The following MBNL2 variants were observed in gnomAD, a reference collection of about 807,000 sequenced individuals.
The protein encoded by MBNL2 is muscleblind like splicing regulator 2, also known as muscleblind-like protein 2.
A neutral mutation model predicts 41.9 loss-of-function variants in MBNL2; 17 were observed. The ratio of observed to expected loss-of-function variants is 0.41; its 90% CI spans 0.28 to 0.61. The LOEUF (loss-of-function observed/expected upper bound fraction) is 0.61, where lower values mean the gene tolerates loss of function less well. Ranked by LOEUF, MBNL2 falls within the 20% of genes least tolerant of loss-of-function variation. MBNL2 has a pLI of 0.35. For missense variants in MBNL2, 336 were observed against 505.6 expected (o/e 0.66, Z 3.22); for synonymous variants, 195 against 182.9 (o/e 1.07, Z -0.53).
chr13:97,292,881 T>TATC (rs763331844), intron 2 of MBNL2, among the ~76,000 whole-genome samples: 14 of 152,144 alleles, frequency 9.2e-5, no homozygotes, highest in Non-Finnish European at 1.6e-4. Flanking sequence ...TATTTTACTC[T>TATC]ATCAGTCTTC....
chr13:97,371,143 T>TA (rs2064335143), intron 8 of MBNL2, among the ~76,000 whole-genome samples: 2 of 152,214 alleles, frequency 1.3e-5, no homozygotes, highest in Non-Finnish European at 2.9e-5. Flanking sequence ...AGTTGTAATT[T>TA]GTTTAGTATT....
chr13:97,333,968 A>AGGG (rs1566423417), intron 2 of MBNL2, among the ~76,000 whole-genome samples: 54 of 124,502 alleles, frequency 4.3e-4, no homozygotes, highest in African/African-American at 1.2e-3. Flanking sequence ...GGAAGGAAGG[A>AGGG]AGGGAGGGAG....
intron 1 of MBNL2, among the ~76,000 whole-genome samples, chr13:97,261,675 C>T (rs889377582): frequency 2.6e-5 from 4 of 152,176 alleles, no homozygotes; most frequent in Non-Finnish European, 5.9e-5. Context: ...AAAGATTTCC[C>T]ACACTTCAGG....
rs2061842353 is a variant in MBNL2, at chr13:97,346,252, GAT to G, written c.541-551_541-550del. ...TAGATTAACAGATAATAGATGGATG[GAT>G]GGATGGATGGATGGATGGATAGATG... On this transcript the variant is annotated intron_variant, in intron 4 of 8. Transcript: ENST00000679496. The surrounding 1 kb of genome is among the most constrained non-coding windows in gnomAD (Gnocchi z 4.2). 7.5e-6 allele frequency among the ~76,000 whole-genome samples: 1 copy of G among 133,880 alleles called. No individual in the cohort carries two copies. Among genetic ancestry groups the G allele is most frequent in the African/African-American group, 3.9e-5 (1 of 25,368 alleles). The allele number at this position is 133,880 out of a possible 152,430, so 87.8% of individuals were successfully genotyped here.
chr13:97,338,522 G>A (rs2061086616), intron 3 of MBNL2, among the ~76,000 whole-genome samples: 1 of 152,120 alleles, frequency 6.6e-6, no homozygotes, highest in South Asian at 2.1e-4. Context: ...TCTCTCCCCT[G>A]ACAACCCTTC....
chr13:97,247,260 A>G (rs902988207), intron 1 of MBNL2, among the ~76,000 whole-genome samples: 2 of 152,168 alleles, frequency 1.3e-5, no homozygotes, highest in Non-Finnish European at 1.5e-5. Context: ...AATATGTTTT[A>G]TTTGTTTCCT....
At chr13:97,352,361 C>A (rs796292485) in intron 5 of MBNL2, among the ~76,000 whole-genome samples, 7 of 152,282 alleles carry the variant, frequency 4.6e-5, no homozygotes, top group African/African-American at 1.7e-4. Context: ...GTGACTCTTT[C>A]TTTCACTTGA....
chr13:97,160,516 G>T, the MBNL2 span, among the ~76,000 whole-genome samples: 3 of 152,026 alleles, frequency 2.0e-5, no homozygotes, highest in African/African-American at 7.2e-5. Flanking sequence ...AGAAAATGAG[G>T]TGACACTAAA....
the MBNL2 span, among the ~76,000 whole-genome samples, chr13:97,195,658 AATT>A: frequency 2.0e-5 from 3 of 152,174 alleles, no homozygotes; most frequent in Non-Finnish European, 2.9e-5. Context: ...ATGGTACTAA[AATT>A]ATACATAATA....
At chr13:97,242,271 C>T (rs1370010693) in intron 1 of MBNL2, among the ~76,000 whole-genome samples, 4 of 152,126 alleles carry the variant, frequency 2.6e-5, no homozygotes, top group East Asian at 3.9e-4. Context: ...GGAGCGGGCA[C>T]GTGGCTCAAA....
chr13:97,350,777 C>T lies in MBNL2; in HGVS notation c.804+3710C>T, dbSNP rs73559920. 2.5e-3 allele frequency among the ~76,000 whole-genome samples: 383 copies of T among 152,322 alleles called. 2 individuals are homozygous for T. The highest frequency in any genetic ancestry group is 9.0e-3 in the African/African-American group (373 of 41,568). On this transcript the variant is annotated intron_variant, in intron 5 of 8. Transcript: ENST00000679496. ...AAGAATTCTAGTTCTCTTGCTATTTCCATTACATCTGGAGTTACTTACTTT... is the reference window on the plus strand; with the variant it reads ...AAGAATTCTAGTTCTCTTGCTATTTTCATTACATCTGGAGTTACTTACTTT...
At chr13:97,168,957 AC>A in the MBNL2 span, among the ~76,000 whole-genome samples, 2 of 152,192 alleles carry the variant, frequency 1.3e-5, no homozygotes, top group Non-Finnish European at 2.9e-5. Flanking sequence ...TAGACAGGTT[AC>A]AGAAGGTGTC....
At chr13:97,173,262 T>A in the MBNL2 span, among the ~76,000 whole-genome samples, 4 of 152,262 alleles carry the variant, frequency 2.6e-5, no homozygotes, top group Admixed American at 2.6e-4. Context: ...GAATTGGAAG[T>A]TACTTAGAAA....
Position 97,346,844 on chromosome 13 carries a change from A to G in MBNL2, c.581A>G (p.Glu194Gly). ...CAGCGAGGAAACTGTGCCCGGGGAG[A>G]GACCGACTGCCGCTTTGCACACCCC... ...EFQRGNCARGETDCRFAHPAD... is the reference protein window; with the variant it reads ...EFQRGNCARGGTDCRFAHPAD... Residue 194 changes from glutamate (E) to glycine (G), a missense_variant, in exon 5 of 9, where the codon GAG (glutamate) becomes GGG (glycine). By Grantham distance (98) the Glu-to-Gly change is moderately conservative. Coordinates refer to ENST00000679496, the MANE Select transcript of MBNL2 (RefSeq NM_001382683.1). This position sits in a 1 kb window ranked among gnomAD's most constrained non-coding sequence, Gnocchi z 4.2. The G allele has an allele frequency of 3.7e-6, 6 of 1,614,050 alleles. No homozygotes were observed. Among genetic ancestry groups the G allele is most frequent in the Non-Finnish European group, 5.1e-6 (6 of 1,179,944 alleles).
intron 5 of MBNL2, among the ~76,000 whole-genome samples, chr13:97,352,025 AAAATAAAAATAT>A (rs1353096288): frequency 8.6e-6 from 1 of 116,172 alleles, no homozygotes; most frequent in Non-Finnish European, 1.7e-5. Context: ...CTGTCTCAGA[AAAATAAAAATAT>A]AAATAAATAA....
chr13:97,312,976 T>G (rs2058736439), intron 2 of MBNL2, among the ~76,000 whole-genome samples: 1 of 152,266 alleles, frequency 6.6e-6, no homozygotes, highest in Non-Finnish European at 1.5e-5. Flanking sequence ...TATTTGGTGC[T>G]ACATGCAACC....
chr13:97,346,799 C>T lies in MBNL2; in HGVS notation c.541-5C>T. On this transcript the variant is annotated splice_polypyrimidine_tract_variant and splice_region_variant and intron_variant, in intron 4 of 8. Coordinates refer to ENST00000679496, the MANE Select transcript of MBNL2 (RefSeq NM_001382683.1). The surrounding 1 kb of genome is among the most constrained non-coding windows in gnomAD (Gnocchi z 4.2). ...CTGCAGCGCGGCTCTTCTTCCCTGTCTTAGGTATGCAGGGAGTTCCAGCGA... is the reference window on the plus strand; with the variant it reads ...CTGCAGCGCGGCTCTTCTTCCCTGTTTTAGGTATGCAGGGAGTTCCAGCGA... 4 of 1,613,304 alleles carry T rather than the reference C, an allele frequency of 2.5e-6. No individual in the cohort carries two copies. The highest frequency in any genetic ancestry group is 2.5e-6 in the Non-Finnish European group (3 of 1,179,416).
At chr13:97,207,831 T>A in the MBNL2 span, among the ~76,000 whole-genome samples, 2 of 152,144 alleles carry the variant, frequency 1.3e-5, no homozygotes, top group East Asian at 3.9e-4. Context: ...GCCTGTAAAA[T>A]CAAAAGCAGG....
intron 1 of MBNL2, among the ~76,000 whole-genome samples, chr13:97,267,280 A>T (rs1456147184): frequency 6.6e-6 from 1 of 152,220 alleles, no homozygotes; most frequent in Non-Finnish European, 1.5e-5. Flanking sequence ...TCTTTTATAC[A>T]GTCAAAAGTG....
Sources: allele counts gnomAD v4.1 joint callset (sites outside exome capture counted in the v4.1 genomes callset), GRCh38; gene constraint gnomAD v4.1.1; non-coding constraint Gnocchi (gnomAD v3.1); transcripts MANE v1.5; gene names NCBI Gene and HGNC (gene_info 2026-07-23, HGNC 2026-07-21).